Variants in DYNC2I1 observed in about 807,000 individuals in gnomAD.
DYNC2I1 encodes cytoplasmic dynein 2 intermediate chain 1.
In DYNC2I1, 89 loss-of-function variants were observed where a neutral mutation model predicts 133.4. The ratio of observed to expected loss-of-function variants is 0.67; its 90% CI spans 0.56 to 0.80. The LOEUF is 0.80. Ranked by LOEUF, DYNC2I1 falls within the 30% of genes least tolerant of loss-of-function variation. The probability of loss-of-function intolerance (pLI) is 0.00; values close to 1 mark genes in which losing one functional copy is unlikely to be tolerated. For missense variants in DYNC2I1, 1,291 were observed against 1,314.5 expected (o/e 0.98, Z 0.28); for synonymous variants, 504 against 484.3 (o/e 1.04, Z -0.54).
chr7:158,930,358 A>G (rs947796541), intron 20 of DYNC2I1, 97 bp from the exon 21 acceptor site: 12 of 1,034,922 alleles, frequency 1.2e-5, no homozygotes, highest in African/African-American at 6.4e-5. Context: ...CCTAACACAG[A>G]TATTTAAGCA....
chr7:158,911,612 T>C lies in DYNC2I1; in HGVS notation c.1523T>C (p.Leu508Ser). The change falls in exon 12 of 25, where the codon TTG (leucine) becomes TCG (serine). Residue 508 changes from leucine to serine, a missense_variant. Transcript: ENST00000407559. ...GATTTTTCATTTACTTTCTCTCTCTTGGATCTACCACCAGTAAATGAATAT... is the reference window on the plus strand; with the variant it reads ...GATTTTTCATTTACTTTCTCTCTCTCGGATCTACCACCAGTAAATGAATAT... The part of the protein sequence containing the change: ...DLDFSFTFSL[L>S]DLPPVNEYDM... 4 of 1,613,728 alleles carry C rather than the reference T, an allele frequency of 2.5e-6. No individual in the cohort carries two copies. The highest frequency in any genetic ancestry group is 3.4e-6 in the Non-Finnish European group (4 of 1,179,746).
At chr7:158,934,383 A>G in intron 22 of DYNC2I1, 35 bp from the exon 23 acceptor site, 1 of 1,596,934 alleles carries the variant, frequency 6.3e-7, no homozygotes, top group Non-Finnish European at 8.5e-7. Flanking sequence ...TGTGTAATGC[A>G]CTCGTTCAGT....
the DYNC2I1 span, among the ~76,000 whole-genome samples, chr7:158,843,462 G>A: frequency 6.6e-6 from 1 of 152,352 alleles, no homozygotes; most frequent in East Asian, 1.9e-4. Flanking sequence ...GTTTTGCCAT[G>A]TTGGCCAGGC....
chr7:158,889,036 T>TACAC (rs71200077), intron 7 of DYNC2I1, among the ~76,000 whole-genome samples: 2,182 of 141,264 alleles, frequency 0.015, 53 homozygotes, highest in African/African-American at 0.05. Context: ...TTTAAACATT[T>TACAC]ACACACACAC....
intron 1 of DYNC2I1, among the ~76,000 whole-genome samples, chr7:158,859,034 C>CGG (rs1475567594): frequency 2.3e-5 from 3 of 130,230 alleles, no homozygotes; most frequent in African/African-American, 8.9e-5. Flanking sequence ...CTTGCTCTTT[C>CGG]ACCCAAGTTG....
intron 14 of DYNC2I1, among the ~76,000 whole-genome samples, chr7:158,917,687 A>G (rs13240810): frequency 0.037 from 1,537 of 41,590 alleles, 108 homozygotes; most frequent in African/African-American, 0.091. Context: ...TCCACCCTCC[A>G]CCTCTCACTA....
At chr7:158,940,093 GAA>G (rs989082213) in intron 23 of DYNC2I1, among the ~76,000 whole-genome samples, 3 of 152,066 alleles carry the variant, frequency 2.0e-5, no homozygotes, top group Admixed American at 6.5e-5. Context: ...TACCCAGACA[GAA>G]AGTCAACAAA....
intron 6 of DYNC2I1, among the ~76,000 whole-genome samples, chr7:158,886,719 T>C (rs1585037538): frequency 6.6e-6 from 1 of 152,116 alleles, no homozygotes; most frequent in African/African-American, 2.4e-5. Flanking sequence ...ACCTCCTGCC[T>C]CAGCCTCCCA....
At chr7:158,858,254 T>C (rs1335450721) in intron 1 of DYNC2I1, among the ~76,000 whole-genome samples, 2 of 152,232 alleles carry the variant, frequency 1.3e-5, no homozygotes, top group Admixed American at 6.5e-5. Flanking sequence ...TTGTCCGTGA[T>C]TTGTTTATAG....
chr7:158,956,156 A>G (rs573909013), intron 4 of DYNC2I1, among the ~76,000 whole-genome samples: 126 of 152,322 alleles, frequency 8.3e-4, no homozygotes, highest in African/African-American at 3.0e-3. Context: ...AGCTGTAGAG[A>G]GAGTTTTCCT....
intron 21 of DYNC2I1, among the ~76,000 whole-genome samples, chr7:158,931,096 C>A (rs961198983): frequency 1.3e-5 from 2 of 152,180 alleles, no homozygotes; most frequent in African/African-American, 4.8e-5. Flanking sequence ...AGTTCTCATG[C>A]AACCCTGAGG....
intron 20 of DYNC2I1, among the ~76,000 whole-genome samples, chr7:158,927,855 G>A (rs1231726760): frequency 6.6e-6 from 1 of 152,188 alleles, no homozygotes; most frequent in Non-Finnish European, 1.5e-5. Context: ...CAGCCTGAGT[G>A]AATGTTTTGA....
intron 1 of DYNC2I1, among the ~76,000 whole-genome samples, chr7:158,859,341 T>G (rs1841665944): frequency 1.3e-5 from 2 of 152,166 alleles, no homozygotes; most frequent in Non-Finnish European, 2.9e-5. Context: ...GTTTGGCTGA[T>G]GAGATATCTT....
At chr7:158,941,077 T>C (rs1290971968) in intron 23 of DYNC2I1, among the ~76,000 whole-genome samples, 1 of 151,072 alleles carries the variant, frequency 6.6e-6, no homozygotes, top group Non-Finnish European at 1.5e-5. Context: ...CGACAAACTT[T>C]TAGCTAGAAT....
intron 1 of DYNC2I1, among the ~76,000 whole-genome samples, chr7:158,867,701 G>T (rs1021320671): frequency 6.6e-6 from 1 of 152,112 alleles, no homozygotes; most frequent in Non-Finnish European, 1.5e-5. Flanking sequence ...GTTGCGTTGG[G>T]CTGAGGGGCC....
chr7:158,897,228 C>T (rs1271250449), intron 8 of DYNC2I1, among the ~76,000 whole-genome samples: 1 of 151,482 alleles, frequency 6.6e-6, no homozygotes, highest in African/African-American at 2.4e-5. Context: ...AGGTAATTCA[C>T]CCATCTCAGA....
At chr7:158,943,070 G>T (rs1280691633) in intron 24 of DYNC2I1, among the ~76,000 whole-genome samples, 2 of 152,116 alleles carry the variant, frequency 1.3e-5, no homozygotes, top group Non-Finnish European at 2.9e-5. Flanking sequence ...CCTGGGGAGA[G>T]AAATCCCACA....
At chr7:158,850,926 G>C in the DYNC2I1 span, among the ~76,000 whole-genome samples, 1 of 151,858 alleles carries the variant, frequency 6.6e-6, no homozygotes, top group Non-Finnish European at 1.5e-5. Flanking sequence ...AGTCTACGGA[G>C]CCTGAGAAAT....
intron 6 of DYNC2I1, among the ~76,000 whole-genome samples, chr7:158,885,357 T>TC (rs1844491782): frequency 6.6e-6 from 1 of 152,000 alleles, no homozygotes; most frequent in South Asian, 2.1e-4. Flanking sequence ...TTTTTTTTTT[T>TC]TTGAGACAGA....
Sources: allele counts gnomAD v4.1 joint callset (sites outside exome capture counted in the v4.1 genomes callset), GRCh38; gene constraint gnomAD v4.1.1; transcripts MANE v1.5; gene names NCBI Gene and HGNC (gene_info 2026-07-23, HGNC 2026-07-21).